EPYC: variants seen among roughly 807,000 people sequenced by gnomAD.
EPYC encodes the protein epiphycan, also known as dermatan sulfate proteoglycan 3.
In EPYC, 28 loss-of-function variants were observed where a neutral mutation model predicts 30.1. The ratio of observed to expected loss-of-function variants is 0.93; its 90% CI spans 0.69 to 1.28. The LOEUF (loss-of-function observed/expected upper bound fraction) is 1.28. EPYC is among the 50% of genes most tolerant of loss of function. EPYC has a pLI of 0.00. For missense variants in EPYC, 382 were observed against 383.5 expected, an observed-to-expected ratio of 1.00 and a Z score of 0.03; for synonymous variants, 144 against 141.4, an observed-to-expected ratio of 1.02 and a Z score of -0.13.
At chr12:90,997,001 G>T (rs1877707961) in intron 2 of EPYC, among the ~76,000 whole-genome samples, 1 of 151,978 alleles carries the variant, frequency 6.6e-6, no homozygotes, top group Admixed American at 6.6e-5. Flanking sequence ...GCTCCAGGTT[G>T]CTGAGCAGGC....
chr12:90,971,332 G>A (rs1278265666), intron 5 of EPYC, among the ~76,000 whole-genome samples: 2 of 152,094 alleles, frequency 1.3e-5, no homozygotes, highest in African/African-American at 4.8e-5. Context: ...GACAGATGCA[G>A]TTGGGAAGTT....
rs1281183768 is a variant in EPYC, at chr12:90,964,190, C to A, written c.935G>T (p.Cys312Phe). Residue 312 changes from cysteine to phenylalanine, a missense_variant, in exon 7 of 7, where the codon TGT (cysteine) becomes TTT (phenylalanine). Physicochemically the swap from Cys to Phe is radical, Grantham distance 205. Transcript: ENST00000261172. ...GCTCCCAACAGGCAGACGAGGTAGA[C>A]ACATGTATGCTTGAGGAGTTTTGCT... ...NLSKTPQAYMCLPRLPVGSLV is the reference protein window; with the variant it reads ...NLSKTPQAYMFLPRLPVGSLV 2 of 1,612,640 alleles carry A rather than the reference C, an allele frequency of 1.2e-6. No homozygotes were observed. Among genetic ancestry groups the A allele is most frequent in the Non-Finnish European group, 1.7e-6 (2 of 1,179,150 alleles).
intron 2 of EPYC, among the ~76,000 whole-genome samples, chr12:90,979,893 T>C (rs892420277): frequency 1.3e-5 from 2 of 152,216 alleles, no homozygotes; most frequent in African/African-American, 4.8e-5. Context: ...GTGAATGTGC[T>C]AATACTTACT....
At chr12:90,978,315 T>A in intron 2 of EPYC, 53 bp from the exon 3 acceptor site, 1 of 1,515,216 alleles carries the variant, frequency 6.6e-7, no homozygotes, top group Non-Finnish European at 8.8e-7. Flanking sequence ...TCAGTCACTC[T>A]GTGTGGCAGT....
At position 91,001,763 on chromosome 12, in the gene EPYC, G is replaced by A. The variant is rs11105910; in HGVS notation, c.165+638C>T. Reference sequence around the variant, plus strand: ...TTTACCCCAAATTTTCCACATCATTGCGTGCATACCATTTTAACTCTTTTC... The same window carrying A: ...TTTACCCCAAATTTTCCACATCATTACGTGCATACCATTTTAACTCTTTTC... On this transcript the variant is annotated intron_variant, in intron 2 of 6. Coordinates refer to ENST00000261172, the MANE Select transcript of EPYC (RefSeq NM_004950.5). Among the ~76,000 whole-genome samples, 324 of 151,948 alleles carry A rather than the reference G, an allele frequency of 2.1e-3. 10 individuals are homozygous for A. In the East Asian group the frequency reaches 0.054, roughly 26 times the overall value.
chr12:90,999,796 G>T (rs1413246608), intron 2 of EPYC, among the ~76,000 whole-genome samples: 1 of 151,574 alleles, frequency 6.6e-6, no homozygotes. Context: ...ATAAGAAATT[G>T]TGTGCTGTTT....
chr12:90,972,743 T>C, intron 4 of EPYC, 79 bp downstream of exon 4: 1 of 1,243,990 alleles, frequency 8.0e-7, no homozygotes. Flanking sequence ...AGTTTCATTC[T>C]CAGTGCTAAC....
intron 2 of EPYC, among the ~76,000 whole-genome samples, chr12:90,985,056 T>C (rs541243293): frequency 6.6e-6 from 1 of 152,276 alleles, no homozygotes; most frequent in East Asian, 1.9e-4. Flanking sequence ...AATGTGGCTT[T>C]AGCTGCAGCC....
At chr12:90,998,449 T>A (rs545206139) in intron 2 of EPYC, among the ~76,000 whole-genome samples, 1 of 152,184 alleles carries the variant, frequency 6.6e-6, no homozygotes, top group Non-Finnish European at 1.5e-5. Flanking sequence ...ACACAAATAA[T>A]CAGTTTGAAA....
intron 2 of EPYC, among the ~76,000 whole-genome samples, chr12:90,989,522 TA>T (rs1437703558): frequency 6.6e-6 from 1 of 152,038 alleles, no homozygotes; most frequent in Non-Finnish European, 1.5e-5. Context: ...TGCTTTTTTT[TA>T]AATCTATCCC....
In EPYC at chr12:91,002,416, A is replaced by C; in HGVS notation, c.150T>G (p.Pro50=). 1.9e-6 allele frequency: 3 copies of C among 1,611,748 alleles called. No homozygotes were observed. Among genetic ancestry groups the C allele is most frequent in the Non-Finnish European group, 2.5e-6 (3 of 1,179,102 alleles). The stretch of plus-strand genomic sequence containing the variant: ...GATCGATTACCTCAACTTTATCAAC[A>C]GGTATGTTTTCATAGTTGTACAAAT... The part of the protein sequence containing the change: ...LDNLYNYENI[P]VDKVEIEIAT... Residue 50 remains proline, a synonymous_variant, in exon 2 of 7, where the codon CCT becomes CCG. Transcript: ENST00000261172.
At chr12:90,984,880 TC>T (rs1877413897) in intron 2 of EPYC, among the ~76,000 whole-genome samples, 2 of 152,028 alleles carry the variant, frequency 1.3e-5, no homozygotes, top group Non-Finnish European at 1.5e-5. Context: ...AGGTACATGT[TC>T]CCCTCTCCCT....
At chr12:90,965,027 C>T (rs938028370) in intron 6 of EPYC, among the ~76,000 whole-genome samples, 3 of 152,156 alleles carry the variant, frequency 2.0e-5, no homozygotes, top group Non-Finnish European at 4.4e-5. Flanking sequence ...ACATTCCCCT[C>T]CTCCCACCCC....
chr12:90,975,634 ATTCTGCTT>A (rs1456188353), intron 3 of EPYC, among the ~76,000 whole-genome samples: 2 of 152,084 alleles, frequency 1.3e-5, no homozygotes, highest in African/African-American at 4.8e-5. Context: ...AGGATTGGGC[ATTCTGCTT>A]TTCTGTTGTT....
At position 90,965,558 on chromosome 12, in the gene EPYC, G is replaced by A. The variant is rs146191979; in HGVS notation, c.799-1232C>T. ...TTATTTTAGCCAAATAAGTGAGTAT[G>A]AGTTGGTATCTCACTGTGTTTTTGT... On this transcript the variant is annotated intron_variant, in intron 6 of 6. Coordinates refer to ENST00000261172, the MANE Select transcript of EPYC (RefSeq NM_004950.5). Among the ~76,000 whole-genome samples the A allele has an allele frequency of 2.8e-3, 430 of 152,218 alleles. 4 individuals are homozygous for A. Among genetic ancestry groups the A allele is most frequent in the African/African-American group, 9.8e-3 (408 of 41,570 alleles).
chr12:90,979,780 G>A (rs923139938), intron 2 of EPYC, among the ~76,000 whole-genome samples: 1 of 152,022 alleles, frequency 6.6e-6, no homozygotes, highest in Admixed American at 6.6e-5. Context: ...AGCATAATAG[G>A]CAATCAGCAA....
chr12:90,990,333 T>A (rs991667898), intron 2 of EPYC, among the ~76,000 whole-genome samples: 4 of 152,070 alleles, frequency 2.6e-5, no homozygotes, highest in Admixed American at 2.6e-4. Flanking sequence ...ATGATAATGA[T>A]GATGCACATA....
intron 2 of EPYC, among the ~76,000 whole-genome samples, chr12:91,000,798 T>TA (rs5799971): frequency 0.68 from 102,658 of 151,652 alleles, 37,342 homozygotes; most frequent in Non-Finnish European, 0.8. Context: ...AACTTTTTTT[T>TA]AAAAAAATGT....
At chr12:90,967,347 A>C (rs1876925083) in intron 6 of EPYC, among the ~76,000 whole-genome samples, 1 of 150,866 alleles carries the variant, frequency 6.6e-6, no homozygotes, top group Non-Finnish European at 1.5e-5. Flanking sequence ...TGAGATTTCT[A>C]TTTTGGCCCA....
Sources: allele counts gnomAD v4.1 joint callset (sites outside exome capture counted in the v4.1 genomes callset), GRCh38; gene constraint gnomAD v4.1.1; transcripts MANE v1.5; gene names NCBI Gene and HGNC (gene_info 2026-07-23, HGNC 2026-07-21).